The following ZFHX3 variants were observed in gnomAD, a reference collection of about 807,000 sequenced individuals.
ZFHX3 encodes the protein zinc finger homeobox 3.
In ZFHX3, 42 loss-of-function variants were observed where a neutral mutation model predicts 279.1. That is an observed-to-expected ratio of 0.15 (90% CI 0.12 to 0.19). The LOEUF is 0.19. ZFHX3 is among the 10% of genes least tolerant of loss of function. The pLI is 1.00. For missense variants in ZFHX3, 4,981 were observed against 4,754.0 expected (o/e 1.05, Z -1.40); for synonymous variants, 2,293 against 1,957.8 (o/e 1.17, Z -4.52).
chr16:73,769,978 T>C (rs1251427738), intron 1 of ZFHX3, among the ~76,000 whole-genome samples: 2 of 152,208 alleles, frequency 1.3e-5, no homozygotes, highest in East Asian at 3.8e-4. Context: ...TGCACTCAGA[T>C]GTGATGACTG....
At chr16:73,542,714 A>G (rs1173139934) in intron 2 of ZFHX3, among the ~76,000 whole-genome samples, 1 of 152,234 alleles carries the variant, frequency 6.6e-6, no homozygotes, top group Non-Finnish European at 1.5e-5. Flanking sequence ...ATTTTAGATA[A>G]ACAATGCACA....
chr16:73,738,971 C>G (rs889999269), intron 1 of ZFHX3, among the ~76,000 whole-genome samples: 1 of 150,986 alleles, frequency 6.6e-6, no homozygotes, highest in African/African-American at 2.5e-5. Flanking sequence ...GAGTCCAACT[C>G]CCACCAGACC....
At chr16:73,429,450 A>C (rs1189096632) in intron 3 of ZFHX3, among the ~76,000 whole-genome samples, 2 of 152,040 alleles carry the variant, frequency 1.3e-5, no homozygotes, top group Non-Finnish European at 2.9e-5. Flanking sequence ...CTCCTGCCTT[A>C]GCCTCCTGAG....
intron 2 of ZFHX3, among the ~76,000 whole-genome samples, chr16:73,578,029 C>G (rs1051105240): frequency 2.6e-5 from 4 of 152,226 alleles, no homozygotes; most frequent in African/African-American, 9.7e-5. Context: ...GTTGAACAAT[C>G]AGCATTGATC....
At chr16:73,271,765 C>T (rs1442919703) in intron 4 of ZFHX3, among the ~76,000 whole-genome samples, 1 of 152,210 alleles carries the variant, frequency 6.6e-6, no homozygotes, top group African/African-American at 2.4e-5. Flanking sequence ...CTGGTCCACC[C>T]TATGCCATGC....
At chr16:73,619,980 G>T (rs186299414) in intron 2 of ZFHX3, among the ~76,000 whole-genome samples, 14 of 152,056 alleles carry the variant, frequency 9.2e-5, no homozygotes, top group African/African-American at 3.4e-4. Flanking sequence ...TAAGAGTGGG[G>T]GCTCTCACTA....
intron 2 of ZFHX3, among the ~76,000 whole-genome samples, chr16:73,560,659 G>A (rs1000707632): frequency 2.0e-5 from 3 of 152,200 alleles, no homozygotes; most frequent in African/African-American, 7.2e-5. Flanking sequence ...TTCAGCAGCA[G>A]GCTGTGAACT....
chr16:73,528,472 C>G (rs931607668), intron 2 of ZFHX3, among the ~76,000 whole-genome samples: 11 of 152,254 alleles, frequency 7.2e-5, no homozygotes, highest in Admixed American at 5.2e-4. Flanking sequence ...AAAATGTATT[C>G]AATATGGTCT....
intron 1 of ZFHX3, among the ~76,000 whole-genome samples, chr16:73,879,234 A>G (rs1177431770): frequency 6.8e-6 from 1 of 147,958 alleles, no homozygotes. Flanking sequence ...CTTTTTTAAT[A>G]CCTAAAATCA....
chr16:72,835,520 C>A (rs1174285327), intron 4 of ZFHX3, among the ~76,000 whole-genome samples: 1 of 152,148 alleles, frequency 6.6e-6, no homozygotes, highest in Non-Finnish European at 1.5e-5. Context: ...CTTTGAAAAA[C>A]AAAATAACCT....
chr16:73,753,580 A>G (rs1273187148), intron 1 of ZFHX3, among the ~76,000 whole-genome samples: 4 of 152,214 alleles, frequency 2.6e-5, no homozygotes, highest in Non-Finnish European at 5.9e-5. Flanking sequence ...GGCTCTGGGA[A>G]CACTGCCTGT....
intron 5 of ZFHX3, among the ~76,000 whole-genome samples, chr16:73,220,936 A>T (rs2012396193): frequency 6.6e-6 from 1 of 152,316 alleles, no homozygotes; most frequent in East Asian, 1.9e-4. Flanking sequence ...GTACTCAGGG[A>T]CAACAGTGGT....
intron 5 of ZFHX3, among the ~76,000 whole-genome samples, chr16:73,156,271 T>C (rs531310479): frequency 1.3e-5 from 2 of 151,738 alleles, no homozygotes; most frequent in East Asian, 3.9e-4. Context: ...TAAAGTGTTC[T>C]TTTCCAGTAA....
intron 1 of ZFHX3, among the ~76,000 whole-genome samples, chr16:73,779,476 C>T (rs1301252810): frequency 6.6e-6 from 1 of 152,076 alleles, no homozygotes; most frequent in East Asian, 1.9e-4. Flanking sequence ...TTGCCTCTCC[C>T]GGGTCCTAAA....
In ZFHX3 at chr16:72,787,097, T is replaced by C. The variant is rs1357100392; in HGVS notation, c.*67A>G. The C allele has an allele frequency of 7.5e-7, 1 of 1,330,130 alleles. No individual in the cohort carries two copies. The highest frequency in any genetic ancestry group is 9.7e-7 in the Non-Finnish European group (1 of 1,030,256). The allele number at this position is 1,330,130 out of a possible 1,614,324, so 82.4% of individuals were successfully genotyped here. ...GCTTTGGAATTGCAGTTAGTCTATT[T>C]TTGAAATTGGTTTGTTATTAATTTT... On this transcript the variant is annotated 3_prime_UTR_variant, in exon 10 of 10. Transcript: ENST00000268489.
intron 1 of ZFHX3, among the ~76,000 whole-genome samples, chr16:73,742,742 C>CT: frequency 6.6e-6 from 1 of 152,260 alleles, no homozygotes; most frequent in East Asian, 1.9e-4. Context: ...CAGGGTTCCC[C>CT]TTTTTTCTAC....
At chr16:73,216,344 G>T (rs978057667) in intron 5 of ZFHX3, among the ~76,000 whole-genome samples, 5 of 152,174 alleles carry the variant, frequency 3.3e-5, no homozygotes, top group African/African-American at 9.7e-5. Context: ...TCCAGCTCTA[G>T]TTTAAGCATC....
intron 2 of ZFHX3, chr16:73,499,767 A>T (rs1178469949): frequency 6.6e-6 from 1 of 152,212 alleles, no homozygotes; most frequent in African/African-American, 2.4e-5. Context: ...TTTTAAAAAT[A>T]TAGTCATGTG....
chr16:73,580,354 T>C (rs1413916691), intron 2 of ZFHX3, among the ~76,000 whole-genome samples: 1 of 151,954 alleles, frequency 6.6e-6, no homozygotes, highest in Non-Finnish European at 1.5e-5. Flanking sequence ...GGCGCACGCC[T>C]GTAGTCCCAA....
Sources: gnomAD v4.1 joint callset for allele counts (sites outside exome capture counted in the v4.1 genomes callset) on GRCh38, gnomAD v4.1.1 for gene constraint, MANE v1.5 for transcripts, NCBI Gene and HGNC (gene_info 2026-07-23, HGNC 2026-07-21) for gene names.